Variants in LAMA4 observed in about 807,000 individuals in gnomAD.
LAMA4 encodes the protein laminin subunit alpha 4, also known as laminin subunit alpha-4.
In LAMA4, 127 loss-of-function variants were observed where a neutral mutation model predicts 207.1. The ratio of observed to expected loss-of-function variants is 0.61; its 90% confidence interval spans 0.53 to 0.71. LAMA4 has a LOEUF of 0.71. Ranked by LOEUF, LAMA4 falls within the 30% of genes least tolerant of loss-of-function variation. The probability of loss-of-function intolerance (pLI) is 0.00; values close to 1 mark genes in which losing one functional copy is unlikely to be tolerated. For synonymous variants in LAMA4, 761 were observed against 816.0 expected (o/e 0.93, Z 1.15); for missense variants, 2,093 against 2,246.5 (o/e 0.93, Z 1.38).
In LAMA4 at chr6:112,139,736, C is replaced by T. The variant is rs559341266; in HGVS notation, c.3110+16G>A. The T allele has an allele frequency of 6.2e-6, 10 of 1,613,450 alleles. No individual in the cohort carries two copies. In the South Asian group the frequency reaches 9.9e-5, roughly 16 times the overall value. On this transcript the variant is annotated intron_variant, in intron 23 of 38. Coordinates refer to ENST00000230538, the MANE Select transcript of LAMA4 (RefSeq NM_001105206.3). ...CATGAATATCCAAGTCTTTAGTACTCTTAACTGTCTCTTACCGGGCACATG... is the reference window on the plus strand; with the variant it reads ...CATGAATATCCAAGTCTTTAGTACTTTTAACTGTCTCTTACCGGGCACATG...
At chr6:112,160,953 T>A (rs1182222938) in intron 13 of LAMA4, among the ~76,000 whole-genome samples, 2 of 152,266 alleles carry the variant, frequency 1.3e-5, no homozygotes, top group Non-Finnish European at 2.9e-5. Flanking sequence ...CATCATCAGC[T>A]GACCGCTCTT....
At position 112,139,243 on chromosome 6, in the gene LAMA4, A is replaced by G. The variant is rs1779537764; in HGVS notation, c.3159T>C (p.Asp1053=). ...TQSRAASYFF[D]GSGYAVVRDI... ...CTCTCACCACGGCATAACCGGAGCC[A>G]TCGAAGAAGTAACTGGCAGCCCGAC... is the stretch of plus-strand genomic sequence containing the variant. Residue 1053 remains aspartate (D), a synonymous_variant, in exon 24 of 39, where the codon GAT becomes GAC. Transcript: ENST00000230538. The G allele has an allele frequency of 6.2e-7, 1 of 1,614,190 alleles. No homozygotes were observed. Among genetic ancestry groups the G allele is most frequent in the Non-Finnish European group, 8.5e-7 (1 of 1,180,014 alleles).
chr6:112,187,323 C>T (rs1398717677), intron 8 of LAMA4, 127 bp downstream of exon 8: 1 of 1,059,932 alleles, frequency 9.4e-7, no homozygotes, highest in Admixed American at 1.8e-5. Flanking sequence ...TATGTTAGAC[C>T]TACAGGTCTA....
chr6:112,236,958 A>C (rs1785972434), intron 2 of LAMA4: 1 of 152,220 alleles, frequency 6.6e-6, no homozygotes, highest in Non-Finnish European at 1.5e-5. Flanking sequence ...GATGATATTC[A>C]TTGCGATGGA....
chr6:112,166,951 A>G (rs1263953045), intron 12 of LAMA4, among the ~76,000 whole-genome samples: 2 of 152,190 alleles, frequency 1.3e-5, no homozygotes, highest in Non-Finnish European at 2.9e-5. Flanking sequence ...TGGGAAGGTA[A>G]AGCTTGGGTA....
rs781889038 is a variant in LAMA4 at position 112,148,315 on chromosome 6, C to T, written c.2195G>A (p.Gly732Glu). The change falls in exon 18 of 39, where the codon GGG becomes GAG. Residue 732 changes from glycine (G) to glutamate (E), a missense_variant. Around this residue, in one of 3 missense-constraint regions of LAMA4, gnomAD observed 1,704 missense variants for 1,788.4 expected, o/e 0.95. Transcript: ENST00000230538. Reference sequence around the variant, plus strand: ...TTCCTCGGTGATCAGTCTAGACTGCCCCAGGCGCTGCTGGGCATCCCCTTT... The same window carrying T: ...TTCCTCGGTGATCAGTCTAGACTGCTCCAGGCGCTGCTGGGCATCCCCTTT... ...AERGDAQQRL[G>E]QSRLITEEAN... is the part of the protein sequence containing the mutation. 1.9e-6 allele frequency: 3 copies of T among 1,614,016 alleles called. No individual in the cohort carries two copies. The highest frequency in any genetic ancestry group is 1.1e-5 in the South Asian group (1 of 91,066).
At chr6:112,215,284 C>T (rs372782858) in intron 3 of LAMA4, among the ~76,000 whole-genome samples, 2 of 152,110 alleles carry the variant, frequency 1.3e-5, no homozygotes, top group Non-Finnish European at 1.5e-5. Flanking sequence ...AAAGAGATAG[C>T]AACATTAGTA....
At chr6:112,163,673 T>A (rs192939082) in intron 13 of LAMA4, among the ~76,000 whole-genome samples, 51 of 152,216 alleles carry the variant, frequency 3.4e-4, no homozygotes, top group Admixed American at 2.9e-3. Context: ...GAAACAGCAA[T>A]GATAAGTCAC....
intron 2 of LAMA4, among the ~76,000 whole-genome samples, chr6:112,233,193 C>T (rs1438562006): frequency 3.3e-5 from 5 of 152,184 alleles, no homozygotes; most frequent in Non-Finnish European, 7.3e-5. Flanking sequence ...TTCAGAATTA[C>T]ACAACAGAAT....
rs1554344317 is a variant in LAMA4, at chr6:112,177,987, G to C, written c.1189+134C>G. The stretch of plus-strand genomic sequence containing the variant: ...AACTTGAAATGAAGACCTTATACAA[G>C]TTTAAACCTATAATACTGTACCAAC... On this transcript the variant is annotated intron_variant, in intron 10 of 38. Coordinates refer to ENST00000230538, the MANE Select transcript of LAMA4 (RefSeq NM_001105206.3). The C allele has an allele frequency of 5.6e-6, 4 of 709,166 alleles. No individual in the cohort carries two copies. The East Asian group carries it at 8.0e-5, about 14-fold the overall frequency. The allele number at this position is 709,166 out of a possible 1,614,324, so 43.9% of individuals were successfully genotyped here.
chr6:112,142,372 C>A lies in LAMA4; in HGVS notation c.2494-80G>T, dbSNP rs1779752165. 3 of 1,296,460 alleles carry A rather than the reference C, an allele frequency of 2.3e-6. No individual in the cohort carries two copies. In the South Asian group the frequency reaches 3.6e-5, roughly 15 times the overall value. 80.3% of individuals were successfully genotyped at this position (1,296,460 alleles called of 1,614,324 possible). On this transcript the variant is annotated intron_variant, in intron 19 of 38. Transcript: ENST00000230538. ...TTTCCCGTGCTTCCCTCATTCGTGA[C>A]AGGGGCCTATAAACTCTCTTCACCT...
At chr6:112,180,700 A>G (rs1782305641) in intron 9 of LAMA4, among the ~76,000 whole-genome samples, 1 of 152,170 alleles carries the variant, frequency 6.6e-6, no homozygotes, top group African/African-American at 2.4e-5. Context: ...ACCAATATCT[A>G]GGGTGATCAT....
intron 5 of LAMA4, among the ~76,000 whole-genome samples, chr6:112,200,882 G>T (rs916927479): frequency 6.6e-6 from 1 of 152,028 alleles, no homozygotes; most frequent in African/African-American, 2.4e-5. Flanking sequence ...GGGCCTGTCA[G>T]TGGGTGGGGG....
rs868993914 is a variant in LAMA4, at chr6:112,188,330, G to A, written c.815-729C>T. On this transcript the variant is annotated intron_variant, in intron 7 of 38. Coordinates refer to ENST00000230538, the MANE Select transcript of LAMA4 (RefSeq NM_001105206.3). Reference sequence around the variant, plus strand: ...CCCAGCCAGTACTTCAGGCTTGGTGGGGGAGATGCTTAGGACCAGGCAGGC... The same window carrying A: ...CCCAGCCAGTACTTCAGGCTTGGTGAGGGAGATGCTTAGGACCAGGCAGGC... 2.6e-5 allele frequency among the ~76,000 whole-genome samples: 4 copies of A among 152,274 alleles called. No individual in the cohort carries two copies. In the Middle Eastern group the frequency reaches 0.01, roughly 391 times the overall value.
intron 5 of LAMA4, among the ~76,000 whole-genome samples, 186 bp from the exon 6 acceptor site, chr6:112,192,036 G>A (rs1554349257): frequency 6.6e-6 from 1 of 152,166 alleles, no homozygotes; most frequent in Non-Finnish European, 1.5e-5. Context: ...TCCCCATTAT[G>A]TTATAGATCA....
At chr6:112,208,318 G>A (rs567620965) in intron 3 of LAMA4, among the ~76,000 whole-genome samples, 102 of 152,222 alleles carry the variant, frequency 6.7e-4, no homozygotes, top group African/African-American at 2.4e-3. Context: ...GAACTCTGAG[G>A]TCCTTATTTT....
At chr6:112,235,772 G>T (rs1238687275) in intron 2 of LAMA4, among the ~76,000 whole-genome samples, 4 of 152,106 alleles carry the variant, frequency 2.6e-5, no homozygotes, top group African/African-American at 9.7e-5. Flanking sequence ...AAATTTTAAT[G>T]CACTTGAATG....
In LAMA4 at chr6:112,122,085, G is replaced by A. The variant is rs782111517; in HGVS notation, c.4404C>T (p.His1468=). ...HLSNSPRAIE[H]AYQYGGTANS... is the part of the protein sequence containing the mutation. The stretch of plus-strand genomic sequence containing the variant: ...TGGCTGTTCCTCCATATTGATAGGC[G>A]TGCTCTATTGCTCTAGGGCTGTTGG... Residue 1468 remains histidine (H), a synonymous_variant, in exon 32 of 39, where the codon CAC becomes CAT. Coordinates refer to ENST00000230538, the MANE Select transcript of LAMA4 (RefSeq NM_001105206.3). 56 of 1,613,764 alleles carry A rather than the reference G, an allele frequency of 3.5e-5. 1 individual carries two copies. Among genetic ancestry groups the A allele is most frequent in the South Asian group, 3.4e-4 (31 of 91,074 alleles).
intron 2 of LAMA4, among the ~76,000 whole-genome samples, chr6:112,239,267 G>A (rs1786183046): frequency 7.0e-6 from 1 of 142,036 alleles, no homozygotes; most frequent in Non-Finnish European, 1.5e-5. Context: ...GTTGCAGCAA[G>A]CAGAGATCAT....
Sources: allele counts gnomAD v4.1 joint callset (sites outside exome capture counted in the v4.1 genomes callset), GRCh38; gene constraint gnomAD v4.1.1; regional missense constraint gnomAD v4.1.1; transcripts MANE v1.5; gene names NCBI Gene and HGNC (gene_info 2026-07-23, HGNC 2026-07-21).